Variants in GRIP1 observed in about 807,000 individuals in gnomAD.
GRIP1 encodes the protein glutamate receptor interacting protein 1, also known as glutamate receptor-interacting protein 1.
Under a neutral mutation model 129.9 loss-of-function variants are expected in GRIP1, and 45 were observed. The observed-to-expected ratio is 0.35, with a 90% CI of 0.27 to 0.44. The LOEUF (loss-of-function observed/expected upper bound fraction) is 0.44. Among genes scored for constraint, GRIP1 ranks in the 20% least tolerant of loss-of-function variants. The pLI is 1.00. For missense variants in GRIP1, 1,196 were observed against 1,396.8 expected (o/e 0.86, Z 2.29); for synonymous variants, 530 against 520.8 (o/e 1.02, Z -0.24).
intron 7 of GRIP1, among the ~76,000 whole-genome samples, chr12:66,472,273 T>C (rs2059460028): frequency 6.6e-6 from 1 of 152,164 alleles, no homozygotes; most frequent in South Asian, 2.1e-4. Flanking sequence ...CATTGAAAGG[T>C]AGTGGGGATT....
intron 15 of GRIP1, among the ~76,000 whole-genome samples, chr12:66,414,711 G>A (rs557608044): frequency 8.7e-4 from 133 of 152,076 alleles, no homozygotes; most frequent in African/African-American, 3.1e-3. Flanking sequence ...CAAGGCTACA[G>A]TAACCAAAAC....
chr12:66,715,543 T>C (rs1247496542), intron 1 of GRIP1, among the ~76,000 whole-genome samples: 2 of 149,578 alleles, frequency 1.3e-5, no homozygotes, highest in Non-Finnish European at 3.0e-5. Flanking sequence ...GATTAAACAC[T>C]GTGGGCAGGA....
chr12:66,547,827 T>A (rs2061993257), intron 2 of GRIP1, among the ~76,000 whole-genome samples: 1 of 152,182 alleles, frequency 6.6e-6, no homozygotes, highest in Non-Finnish European at 1.5e-5. Flanking sequence ...TGGTGATGGA[T>A]ATGTTCTGTA....
At chr12:66,402,432 G>A (rs1436062126) in intron 16 of GRIP1, among the ~76,000 whole-genome samples, 2 of 152,188 alleles carry the variant, frequency 1.3e-5, no homozygotes, top group Non-Finnish European at 2.9e-5. Flanking sequence ...GCAGCATTTG[G>A]GAATAGTTCT....
intron 1 of GRIP1, among the ~76,000 whole-genome samples, chr12:67,058,780 T>C (rs563911390): frequency 4.5e-4 from 68 of 152,202 alleles, no homozygotes; most frequent in Non-Finnish European, 8.7e-4. Context: ...GGCAAAGGAA[T>C]AGGATTCTTG....
At chr12:66,725,689 T>A (rs896375949) in intron 1 of GRIP1, among the ~76,000 whole-genome samples, 2 of 152,106 alleles carry the variant, frequency 1.3e-5, no homozygotes, top group Admixed American at 1.3e-4. Flanking sequence ...ACACTTAAAC[T>A]AAAAAATAAA....
chr12:66,431,918 C>T (rs2058158888), intron 14 of GRIP1, among the ~76,000 whole-genome samples: 1 of 152,066 alleles, frequency 6.6e-6, no homozygotes, highest in South Asian at 2.1e-4. Flanking sequence ...GTTCAGTTTT[C>T]CAGACACTGT....
At chr12:66,462,321 C>T (rs2059158145) in intron 9 of GRIP1, among the ~76,000 whole-genome samples, 2 of 152,128 alleles carry the variant, frequency 1.3e-5, no homozygotes, top group South Asian at 4.1e-4. Flanking sequence ...TATTAAAATC[C>T]ACTTTACTTA....
intron 2 of GRIP1, among the ~76,000 whole-genome samples, chr12:66,590,460 T>A (rs1276373758): frequency 6.6e-6 from 1 of 152,158 alleles, no homozygotes; most frequent in Non-Finnish European, 1.5e-5. Flanking sequence ...CAGTATGTAC[T>A]CCCAGCCACA....
At chr12:66,407,035 C>T (rs375937312) in intron 15 of GRIP1, among the ~76,000 whole-genome samples, 2 of 151,868 alleles carry the variant, frequency 1.3e-5, no homozygotes, top group South Asian at 2.1e-4. Context: ...CATAATGAAA[C>T]AACAAAAAAA....
intron 1 of GRIP1, among the ~76,000 whole-genome samples, chr12:66,837,248 T>A (rs1213646249): frequency 6.6e-6 from 1 of 152,224 alleles, no homozygotes; most frequent in African/African-American, 2.4e-5. Context: ...ACTGTTCTAA[T>A]CTTTGATGCC....
chr12:67,017,562 T>C (rs1353726099), intron 1 of GRIP1, among the ~76,000 whole-genome samples: 1 of 152,058 alleles, frequency 6.6e-6, no homozygotes, highest in Non-Finnish European at 1.5e-5. Context: ...CTTCCCTATA[T>C]GTGCATGCTG....
At position 66,406,412 on chromosome 12, in the gene GRIP1, G is replaced by A. The variant is rs2137661794; in HGVS notation, c.1855C>T (p.Leu619Phe). Residue 619 changes from leucine (L) to phenylalanine (F), a missense_variant, in exon 16 of 25, where the codon CTT (leucine) becomes TTT (phenylalanine). Leu to Phe is a conservative substitution (Grantham distance 22). Transcript: ENST00000359742. ...SVAHRTGTLE[L>F]GDKLLAIDNI... ...TCTATTGCGAGCAATTTATCCCCAA[G>A]TTCCAGGGTCCCAGTTCTGTTAGTG... 1.9e-6 allele frequency: 3 copies of A among 1,614,086 alleles called. No individual in the cohort carries two copies. The highest frequency in any genetic ancestry group is 2.5e-6 in the Non-Finnish European group (3 of 1,179,954).
chr12:66,817,846 T>C (rs1592874232), intron 1 of GRIP1, among the ~76,000 whole-genome samples: 1 of 152,388 alleles, frequency 6.6e-6, no homozygotes, highest in African/African-American at 2.4e-5. Flanking sequence ...CATTGTTTTA[T>C]ATTTTTACTT....
chr12:66,808,509 C>T (rs1465521722), upstream of GRIP1, among the ~76,000 whole-genome samples: 2 of 152,030 alleles, frequency 1.3e-5, no homozygotes, highest in South Asian at 2.1e-4. Flanking sequence ...GACGGGTTTT[C>T]ACTGATCTCA....
intron 1 of GRIP1, among the ~76,000 whole-genome samples, chr12:67,028,970 A>G (rs892157392): frequency 9.2e-5 from 14 of 152,142 alleles, no homozygotes; most frequent in African/African-American, 3.4e-4. Flanking sequence ...TTATAATTTT[A>G]TAAACATGAA....
At chr12:66,480,846 A>C (rs1239341716) in intron 7 of GRIP1, among the ~76,000 whole-genome samples, 1 of 152,244 alleles carries the variant, frequency 6.6e-6, no homozygotes, top group Non-Finnish European at 1.5e-5. Context: ...TATTGGGAAA[A>C]CTGGCTAGCC....
chr12:66,955,668 C>T (rs772232235), intron 1 of GRIP1, among the ~76,000 whole-genome samples: 6 of 151,770 alleles, frequency 4.0e-5, no homozygotes, highest in Admixed American at 6.6e-5. Context: ...TCACCATGCC[C>T]GGATAAATTT....
chr12:66,382,394 G>T (rs2056151198), intron 19 of GRIP1, among the ~76,000 whole-genome samples: 1 of 152,112 alleles, frequency 6.6e-6, no homozygotes, highest in Non-Finnish European at 1.5e-5. Flanking sequence ...CTTAATAAAA[G>T]TAAGAAAAGA....
Sources: gnomAD v4.1 joint callset for allele counts (sites outside exome capture counted in the v4.1 genomes callset) on GRCh38, gnomAD v4.1.1 for gene constraint, MANE v1.5 for transcripts, NCBI Gene and HGNC (gene_info 2026-07-23, HGNC 2026-07-21) for gene names.